The following HDAC9 variants were observed in gnomAD, a reference collection of about 807,000 sequenced individuals.
HDAC9 encodes MEF-2 interacting transcription repressor (MITR) protein.
HDAC9 carries 41 observed loss-of-function variants against 139.4 expected under a neutral mutation model. The ratio of observed to expected loss-of-function variants is 0.29; its 90% CI spans 0.23 to 0.38. The LOEUF (loss-of-function observed/expected upper bound fraction) is 0.38. HDAC9 is among the 10% of genes least tolerant of loss of function. The pLI is 1.00. For missense variants in HDAC9, 1,147 were observed against 1,297.0 expected (o/e 0.88, Z 1.78); for synonymous variants, 517 against 476.2 (o/e 1.09, Z -1.12).
chr7:18,761,718 G>A (rs181109278), intron 14 of HDAC9, among the ~76,000 whole-genome samples: 1 of 152,258 alleles, frequency 6.6e-6, no homozygotes, highest in African/African-American at 2.4e-5. Flanking sequence ...TGATCATCAA[G>A]TTCATTAAAA....
At chr7:18,206,977 C>T (rs1791560568) in intron 2 of HDAC9, among the ~76,000 whole-genome samples, 1 of 150,816 alleles carries the variant, frequency 6.6e-6, no homozygotes, top group African/African-American at 2.4e-5. Context: ...ACTTGGTTGC[C>T]CAGGCTGGAG....
chr7:18,997,687 TAGAG>T lies in HDAC9; in HGVS notation c.*1628_*1631del, dbSNP rs912751306. ...AGATATGGAACAATATGGTTTTAGTTAGAGAGGACTCTAACCTGTAAATCAAAGA... is the reference window on the plus strand; with the variant it reads ...AGATATGGAACAATATGGTTTTAGTTAGGACTCTAACCTGTAAATCAAAGA... On this transcript the variant is annotated 3_prime_UTR_variant, in exon 26 of 26. Coordinates refer to ENST00000686413, the MANE Select transcript of HDAC9 (RefSeq NM_178425.4). The T allele has an allele frequency of 6.6e-6, 1 of 152,154 alleles. No individual in the cohort carries two copies. Among genetic ancestry groups the T allele is most frequent in the African/African-American group, 2.4e-5 (1 of 41,462 alleles). The allele number at this position is 152,154 out of a possible 1,614,324, so 9.4% of individuals were successfully genotyped here.
chr7:18,729,401 A>G (rs1445884566), intron 13 of HDAC9, among the ~76,000 whole-genome samples: 4 of 152,116 alleles, frequency 2.6e-5, no homozygotes, highest in East Asian at 1.9e-4. Context: ...CTGTAATCCT[A>G]TGGATAAAGT....
chr7:18,874,742 G>A (rs913554791), intron 22 of HDAC9, 146 bp downstream of exon 22: 18 of 583,828 alleles, frequency 3.1e-5, no homozygotes, highest in South Asian at 1.3e-4. Flanking sequence ...TTGCTCTGTC[G>A]GATTCATGTT....
intron 1 of HDAC9, among the ~76,000 whole-genome samples, chr7:18,147,020 G>C (rs1042721046): frequency 2.2e-4 from 34 of 152,136 alleles, no homozygotes; most frequent in African/African-American, 7.7e-4. Flanking sequence ...TTAGCAAATA[G>C]GTTTATTGAG....
At chr7:18,152,411 A>C (rs369862175) in intron 1 of HDAC9, among the ~76,000 whole-genome samples, 1 of 151,946 alleles carries the variant, frequency 6.6e-6, no homozygotes, top group East Asian at 1.9e-4. Context: ...TCTGCTCTCT[A>C]TATATGTTTG....
Position 18,433,342 on chromosome 7 carries a change from A to T in HDAC9, c.-41-62920A>T, listed in dbSNP as rs1318472727. On this transcript the variant is annotated intron_variant, in intron 1 of 3. Transcript: ENST00000413509. ...CCTTAAGAACCAAGCCAAGACAGGGATGCCCACTTTCACCACTCCTATTTG... is the reference window on the plus strand; with the variant it reads ...CCTTAAGAACCAAGCCAAGACAGGGTTGCCCACTTTCACCACTCCTATTTG... 2.6e-5 allele frequency among the ~76,000 whole-genome samples: 4 copies of T among 152,208 alleles called. No homozygotes were observed. In the East Asian group the frequency reaches 5.8e-4, roughly 22 times the overall value.
intron 1 of HDAC9, among the ~76,000 whole-genome samples, chr7:18,421,000 C>A (rs1320703877): frequency 6.6e-6 from 1 of 152,206 alleles, no homozygotes; most frequent in Non-Finnish European, 1.5e-5. Context: ...CATGCCTAGA[C>A]ATGCATCATA....
chr7:18,183,074 A>G (rs977784643), intron 2 of HDAC9, among the ~76,000 whole-genome samples: 2 of 151,404 alleles, frequency 1.3e-5, no homozygotes, highest in Admixed American at 6.6e-5. Context: ...CAGTGGCGCA[A>G]TCTCGGCTCA....
At chr7:18,565,825 C>A (rs966164162) in intron 2 of HDAC9, among the ~76,000 whole-genome samples, 40 of 151,168 alleles carry the variant, frequency 2.6e-4, no homozygotes, top group South Asian at 1.0e-3. Context: ...GAAAAGTATT[C>A]TAAGATATTT....
At chr7:18,992,541 A>G (rs1463502900) in intron 25 of HDAC9, among the ~76,000 whole-genome samples, 1 of 152,198 alleles carries the variant, frequency 6.6e-6, no homozygotes, top group Admixed American at 6.5e-5. Flanking sequence ...TAGAAGTAAG[A>G]AATAAGAATT....
chr7:18,264,415 A>G (rs943403046), intron 2 of HDAC9, among the ~76,000 whole-genome samples: 1 of 152,226 alleles, frequency 6.6e-6, no homozygotes, highest in African/African-American at 2.4e-5. Context: ...ATACTCCCAA[A>G]TAACCAATAG....
At chr7:18,455,602 A>G (rs1563005752) in intron 1 of HDAC9, among the ~76,000 whole-genome samples, 1 of 152,204 alleles carries the variant, frequency 6.6e-6, no homozygotes, top group Non-Finnish European at 1.5e-5. Context: ...CATTTTCCAA[A>G]GGATGGATTG....
At chr7:18,193,411 T>C (rs1790496174) in intron 2 of HDAC9, among the ~76,000 whole-genome samples, 1 of 152,220 alleles carries the variant, frequency 6.6e-6, no homozygotes, top group Admixed American at 6.5e-5. Flanking sequence ...TTCTTTATGA[T>C]AAATTAATTA....
intron 12 of HDAC9, among the ~76,000 whole-genome samples, chr7:18,719,443 G>A (rs926671623): frequency 2.1e-5 from 3 of 140,306 alleles, no homozygotes; most frequent in African/African-American, 5.4e-5. Flanking sequence ...GGGTTCAAAC[G>A]ATTCTCCTGC....
intron 1 of HDAC9, among the ~76,000 whole-genome samples, chr7:18,136,123 G>C (rs947242009): frequency 2.7e-5 from 4 of 150,182 alleles, no homozygotes; most frequent in Non-Finnish European, 5.9e-5. Context: ...GTCTGTTCAT[G>C]TCCTTCACCC....
At chr7:18,205,416 A>G (rs1791431077) in intron 2 of HDAC9, among the ~76,000 whole-genome samples, 1 of 152,092 alleles carries the variant, frequency 6.6e-6, no homozygotes, top group South Asian at 2.1e-4. Flanking sequence ...GAATATGGAA[A>G]TTAAAATTAT....
chr7:18,667,535 TA>T, intron 12 of HDAC9: 1 of 985,280 alleles, frequency 1.0e-6, no homozygotes, highest in Non-Finnish European at 1.2e-6. Context: ...TTTGATGCTA[TA>T]AAATACAAAC....
intron 1 of HDAC9, among the ~76,000 whole-genome samples, chr7:18,333,575 A>T (rs1458368862): frequency 6.6e-6 from 1 of 151,526 alleles, no homozygotes. Context: ...TATTTAGAAA[A>T]TAGTAACACC....
Sources: allele counts gnomAD v4.1 joint callset (sites outside exome capture counted in the v4.1 genomes callset), GRCh38; gene constraint gnomAD v4.1.1; transcripts MANE v1.5; gene names NCBI Gene and HGNC (gene_info 2026-07-23, HGNC 2026-07-21).